Variants in TEX26 observed in about 807,000 individuals in gnomAD.
TEX26 encodes testis-expressed protein 26.
A neutral mutation model predicts 35.3 loss-of-function variants in TEX26; 34 were observed. That is an observed-to-expected ratio of 0.96 (90% confidence interval 0.73 to 1.28). The LOEUF (loss-of-function observed/expected upper bound fraction) is 1.28. Ranked by LOEUF, TEX26 falls within the 50% of genes most tolerant of loss-of-function variation. TEX26 has a pLI of 0.00. For missense variants in TEX26, 371 were observed against 330.1 expected, an observed-to-expected ratio of 1.12 and a Z score of -0.96; for synonymous variants, 136 against 111.8, an observed-to-expected ratio of 1.22 and a Z score of -1.36.
chr13:30,947,896 C>G (rs550171266), intron 2 of TEX26, among the ~76,000 whole-genome samples: 5 of 152,010 alleles, frequency 3.3e-5, no homozygotes, highest in African/African-American at 9.7e-5. Flanking sequence ...CCTCTCCCCC[C>G]ACCCCACAAC....
intron 1 of TEX26, among the ~76,000 whole-genome samples, chr13:30,934,753 G>A (rs9548658): frequency 0.25 from 38,720 of 152,040 alleles, 5,158 homozygotes; most frequent in East Asian, 0.38. Flanking sequence ...CGCTACAGCC[G>A]CCCAAACTGC....
Position 30,952,830 on chromosome 13 carries a change from GATA to G in TEX26, c.312+9_312+11del. On this transcript the variant is annotated splice_donor_region_variant and intron_variant, in intron 3 of 6. Coordinates refer to ENST00000380473, the MANE Select transcript of TEX26 (RefSeq NM_152325.3). ...CACAAATCTCATCTCAATGAAGTAA[GATA>G]ATATCTACATATGTGTTGAATTTAA... The G allele has an allele frequency of 6.2e-7, 1 of 1,610,910 alleles. No individual in the cohort carries two copies. The highest frequency in any genetic ancestry group is 8.5e-7 in the Non-Finnish European group (1 of 1,178,432).
chr13:30,945,273 C>T (rs934445248), intron 2 of TEX26, among the ~76,000 whole-genome samples: 5 of 151,842 alleles, frequency 3.3e-5, no homozygotes, highest in African/African-American at 9.6e-5. Context: ...TACTCCAGCT[C>T]GCTTTAGGTT....
At chr13:30,958,226 T>A (rs1246322155) in intron 4 of TEX26, among the ~76,000 whole-genome samples, 2 of 152,216 alleles carry the variant, frequency 1.3e-5, no homozygotes, top group Non-Finnish European at 2.9e-5. Flanking sequence ...CAAAAATGAG[T>A]TCCATCTATA....
intron 4 of TEX26, among the ~76,000 whole-genome samples, chr13:30,958,508 C>T (rs961793848): frequency 1.3e-5 from 2 of 152,110 alleles, no homozygotes; most frequent in African/African-American, 4.8e-5. Context: ...AGGCTGGCTG[C>T]CCTGTGGGCT....
At chr13:30,958,433 G>T (rs1487863268) in intron 4 of TEX26, among the ~76,000 whole-genome samples, 1 of 152,222 alleles carries the variant, frequency 6.6e-6, no homozygotes, top group African/African-American at 2.4e-5. Context: ...CACAATGGCA[G>T]TTGGAGTATT....
intron 2 of TEX26, among the ~76,000 whole-genome samples, chr13:30,943,428 C>T (rs1212739344): frequency 3.3e-5 from 5 of 152,078 alleles, no homozygotes. Context: ...TTTTGACTTT[C>T]TCTTTTCAAA....
At chr13:30,958,961 C>A (rs966702114) in intron 4 of TEX26, among the ~76,000 whole-genome samples, 1 of 152,118 alleles carries the variant, frequency 6.6e-6, no homozygotes, top group South Asian at 2.1e-4. Flanking sequence ...GAAGTTATTA[C>A]CGCCAATCAA....
chr13:30,966,430 C>CTATT, intron 5 of TEX26, 32 bp downstream of exon 5: 1 of 1,111,030 alleles, frequency 9.0e-7, no homozygotes, highest in African/African-American at 2.3e-5. Flanking sequence ...TTTTCTTTTT[C>CTATT]TCTTTTTTTT....
chr13:30,969,136 T>G, intron 6 of TEX26, 90 bp downstream of exon 6: 1 of 1,165,698 alleles, frequency 8.6e-7, no homozygotes, highest in Non-Finnish European at 1.2e-6. Context: ...CCACTGGAGT[T>G]GAATGCCCAC....
At chr13:30,940,678 T>C (rs1953462378) in intron 2 of TEX26, among the ~76,000 whole-genome samples, 1 of 152,118 alleles carries the variant, frequency 6.6e-6, no homozygotes, top group Non-Finnish European at 1.5e-5. Flanking sequence ...GAAATCAGCA[T>C]AGAGAGCCTT....
At chr13:30,970,189 G>A (rs957288011) in intron 6 of TEX26, among the ~76,000 whole-genome samples, 77 of 131,658 alleles carry the variant, frequency 5.8e-4, no homozygotes, top group Non-Finnish European at 1.1e-3. Flanking sequence ...GTGTGTGTGT[G>A]TGTGTGTGTG....
chr13:30,940,042 C>CA (rs1460005679), intron 2 of TEX26, among the ~76,000 whole-genome samples: 5 of 152,006 alleles, frequency 3.3e-5, no homozygotes, highest in African/African-American at 1.2e-4. Context: ...TACAGCAGAC[C>CA]CAATATATAG....
At chr13:30,974,131 A>AAAAAAAAAT in intron 6 of TEX26, among the ~76,000 whole-genome samples, 20 of 84,416 alleles carry the variant, frequency 2.4e-4, no homozygotes, top group African/African-American at 6.6e-4. Context: ...AAAAAAAAAA[A>AAAAAAAAAT]ATATATATAT....
chr13:30,963,465 A>G (rs557433203), intron 4 of TEX26, among the ~76,000 whole-genome samples: 9 of 152,348 alleles, frequency 5.9e-5, no homozygotes, highest in South Asian at 2.1e-4. Context: ...CATTTTATAA[A>G]GACAACAAAA....
chr13:30,957,679 G>A (rs535233978), intron 4 of TEX26, among the ~76,000 whole-genome samples: 2 of 152,302 alleles, frequency 1.3e-5, no homozygotes, highest in East Asian at 1.9e-4. Context: ...GTGGCAGTGC[G>A]GATGGAGGCA....
At chr13:30,961,615 G>T (rs1469364514) in intron 4 of TEX26, among the ~76,000 whole-genome samples, 1 of 152,058 alleles carries the variant, frequency 6.6e-6, no homozygotes, top group African/African-American at 2.4e-5. Flanking sequence ...CTAACTGCAG[G>T]GATACAATCC....
chr13:30,938,890 T>C (rs556335434), intron 1 of TEX26, among the ~76,000 whole-genome samples: 8 of 152,188 alleles, frequency 5.3e-5, no homozygotes, highest in Non-Finnish European at 1.0e-4. Flanking sequence ...GTCTCAGCCT[T>C]GGAACTTCTG....
chr13:30,967,941 A>C (rs973836329), intron 5 of TEX26, among the ~76,000 whole-genome samples: 1 of 152,190 alleles, frequency 6.6e-6, no homozygotes, highest in Non-Finnish European at 1.5e-5. Context: ...CCTGGAAGGA[A>C]GTCCCTTACT....
Sources: allele counts gnomAD v4.1 joint callset (sites outside exome capture counted in the v4.1 genomes callset), GRCh38; gene constraint gnomAD v4.1.1; transcripts MANE v1.5; gene names NCBI Gene and HGNC (gene_info 2026-07-23, HGNC 2026-07-21).